PTPRT: variants seen among roughly 807,000 people sequenced by gnomAD.
The protein encoded by PTPRT is protein tyrosine phosphatase receptor type T, also known as receptor-type tyrosine-protein phosphatase T.
PTPRT carries 56 observed loss-of-function variants against 176.8 expected under a neutral mutation model. The ratio of observed to expected loss-of-function variants is 0.32; its 90% CI spans 0.26 to 0.40. The LOEUF is 0.40. Among genes scored for constraint, PTPRT ranks in the 10% least tolerant of loss-of-function variants. The probability of loss-of-function intolerance (pLI) is 1.00; values close to 1 mark genes in which losing one functional copy is unlikely to be tolerated. For missense variants in PTPRT, 1,540 were observed against 1,908.2 expected (o/e 0.81, Z 3.60); for synonymous variants, 783 against 739.0 (o/e 1.06, Z -0.96).
At chr20:42,648,822 T>TTTTTTTTTGTTTTG (rs1569054254) in intron 7 of PTPRT, among the ~76,000 whole-genome samples, 4 of 42,334 alleles carry the variant, frequency 9.4e-5, no homozygotes, top group Non-Finnish European at 2.0e-4. Context: ...GTGTCGTTGT[T>TTTTTTTTTGTTTTG]TTTTTTTTTT....
At chr20:42,913,577 T>A (rs1258933707) in intron 1 of PTPRT, among the ~76,000 whole-genome samples, 1 of 152,162 alleles carries the variant, frequency 6.6e-6, no homozygotes, top group Non-Finnish European at 1.5e-5. Flanking sequence ...ACATTCTGAG[T>A]TACTGGGGAT....
intron 2 of PTPRT, among the ~76,000 whole-genome samples, chr20:42,875,224 A>C (rs749955764): frequency 3.9e-4 from 60 of 152,220 alleles, no homozygotes; most frequent in Non-Finnish European, 7.1e-4. Context: ...TGATCACCAA[A>C]AGGACATCAT....
chr20:42,382,588 T>A (rs1419900776), intron 9 of PTPRT, among the ~76,000 whole-genome samples: 1 of 151,974 alleles, frequency 6.6e-6, no homozygotes, highest in African/African-American at 2.4e-5. Flanking sequence ...AGATGGGTGC[T>A]AGGTCCGTGC....
chr20:42,509,500 T>TTATATAATTTATATTTAATTTATAGA lies in PTPRT; in HGVS notation c.1154-36964_1154-36939dup, dbSNP rs1555872473. On this transcript the variant is annotated intron_variant, in intron 7 of 30. Transcript: ENST00000373187. ...TTTATATTTAATTTATAGATATAAATTATATAATTTATATTTAATTTATAG... is the reference window on the plus strand; with the variant it reads ...TTTATATTTAATTTATAGATATAAATTATATAATTTATATTTAATTTATAGATATATAATTTATATTTAATTTATAG... Among the ~76,000 whole-genome samples the TTATATAATTTATATTTAATTTATAGA allele has an allele frequency of 2.3e-3, 270 of 117,000 alleles. 1 individual carries two copies. Among genetic ancestry groups the TTATATAATTTATATTTAATTTATAGA allele is most frequent in the African/African-American group, 6.8e-3 (251 of 36,776 alleles). 76.8% of individuals were successfully genotyped at this position (117,000 alleles called of 152,430 possible).
intron 22 of PTPRT, among the ~76,000 whole-genome samples, chr20:42,110,697 T>C (rs1444435030): frequency 1.3e-5 from 2 of 152,230 alleles, no homozygotes; most frequent in African/African-American, 2.4e-5. Context: ...GATGGCTTTA[T>C]TGCAGGATTT....
At chr20:42,187,672 C>A (rs1023999707) in intron 16 of PTPRT, among the ~76,000 whole-genome samples, 9 of 152,216 alleles carry the variant, frequency 5.9e-5, no homozygotes, top group African/African-American at 2.2e-4. Context: ...GAGATCCTAT[C>A]ACAATCCAGC....
intron 2 of PTPRT, 63 bp downstream of exon 2, chr20:42,885,744 C>G (rs181261685): frequency 4.5e-6 from 7 of 1,557,674 alleles, no homozygotes; most frequent in South Asian, 1.1e-5. Context: ...AGTTCTTCCC[C>G]CCATGATTCA....
At chr20:42,163,959 G>A (rs1415942301) in intron 16 of PTPRT, among the ~76,000 whole-genome samples, 1 of 152,386 alleles carries the variant, frequency 6.6e-6, no homozygotes, top group Non-Finnish European at 1.5e-5. Flanking sequence ...CTGTGATGGT[G>A]TGATTGGAAA....
intron 5 of PTPRT, among the ~76,000 whole-genome samples, chr20:42,768,467 C>G (rs2077016660): frequency 6.6e-6 from 1 of 152,198 alleles, no homozygotes; most frequent in Admixed American, 6.5e-5. Flanking sequence ...CTCCTGGGAA[C>G]AATTCCTGTC....
intron 1 of PTPRT, among the ~76,000 whole-genome samples, chr20:43,029,352 AC>A (rs961201730): frequency 7.9e-5 from 12 of 152,322 alleles, no homozygotes; most frequent in African/African-American, 2.9e-4. Flanking sequence ...CCACCCACCA[AC>A]AAGCAATTGT....
chr20:42,654,482 C>T (rs925838157), intron 7 of PTPRT, among the ~76,000 whole-genome samples: 1 of 152,192 alleles, frequency 6.6e-6, no homozygotes, highest in South Asian at 2.1e-4. Context: ...ACTCTACCCC[C>T]AGAACCCACT....
chr20:42,815,726 T>C (rs2077771989), intron 2 of PTPRT, among the ~76,000 whole-genome samples: 1 of 152,172 alleles, frequency 6.6e-6, no homozygotes, highest in Admixed American at 6.5e-5. Flanking sequence ...ACAAAAACAA[T>C]CAGGGCAAGA....
At chr20:42,150,474 T>A (rs1989078559) in intron 17 of PTPRT, among the ~76,000 whole-genome samples, 2 of 152,176 alleles carry the variant, frequency 1.3e-5, no homozygotes, top group South Asian at 4.1e-4. Context: ...CCTGCCAGGA[T>A]TTCTCCACAC....
At chr20:42,351,399 G>A (rs529703957) in intron 10 of PTPRT, among the ~76,000 whole-genome samples, 4 of 152,146 alleles carry the variant, frequency 2.6e-5, no homozygotes, top group East Asian at 1.9e-4. Flanking sequence ...ATTAAATTAC[G>A]TCCATCCACT....
intron 2 of PTPRT, among the ~76,000 whole-genome samples, chr20:42,807,584 G>A (rs1006013850): frequency 1.3e-5 from 2 of 152,020 alleles, no homozygotes; most frequent in Admixed American, 6.6e-5. Flanking sequence ...TACACCAAGG[G>A]TTAAGCCATG....
chr20:42,439,371 G>A (rs1488845749), intron 9 of PTPRT, among the ~76,000 whole-genome samples: 2 of 152,208 alleles, frequency 1.3e-5, no homozygotes, highest in Non-Finnish European at 2.9e-5. Context: ...TCTGGCATCA[G>A]AGTTGCAAGA....
intron 1 of PTPRT, among the ~76,000 whole-genome samples, chr20:43,099,515 T>C (rs959335901): frequency 6.6e-6 from 1 of 152,202 alleles, no homozygotes; most frequent in Non-Finnish European, 1.5e-5. Flanking sequence ...GAAAGGTACA[T>C]TGATAGGACA....
chr20:42,369,749 G>C (rs887443826), intron 9 of PTPRT, among the ~76,000 whole-genome samples: 1 of 152,104 alleles, frequency 6.6e-6, no homozygotes, highest in Non-Finnish European at 1.5e-5. Context: ...CAGAGACAAT[G>C]GGGAAGAGAA....
Position 42,928,164 on chromosome 20 carries a change from T to C in PTPRT, c.89-42232A>G, listed in dbSNP as rs186113945. ...CTCGATTAATCTAAACCCAAGCTCA[T>C]TGCACAAGGCTCTGGTTCCCTGCCC... On this transcript the variant is annotated intron_variant, in intron 1 of 30. Transcript: ENST00000373187. 5.6e-4 allele frequency among the ~76,000 whole-genome samples: 85 copies of C among 152,354 alleles called. No homozygotes were observed. The Middle Eastern group carries it at 0.014, about 24-fold the overall frequency.
Sources: allele counts gnomAD v4.1 joint callset (sites outside exome capture counted in the v4.1 genomes callset), GRCh38; gene constraint gnomAD v4.1.1; transcripts MANE v1.5; gene names NCBI Gene and HGNC (gene_info 2026-07-23, HGNC 2026-07-21).